The following FHIP1A variants were observed in gnomAD, a reference collection of about 807,000 sequenced individuals.
The protein encoded by FHIP1A is FHF complex subunit HOOK interacting protein 1A, also known as FHF complex subunit HOOK-interacting protein 1A.
FHIP1A carries 61 observed loss-of-function variants against 88.6 expected under a neutral mutation model. The ratio of observed to expected loss-of-function variants is 0.69; its 90% CI spans 0.56 to 0.85. The LOEUF is 0.85. FHIP1A is among the 40% of genes least tolerant of loss of function. The pLI, the probability that FHIP1A is intolerant of heterozygous loss-of-function variation, is 0.00. For synonymous variants in FHIP1A, 478 were observed against 496.0 expected (o/e 0.96, Z 0.48); for missense variants, 1,154 against 1,273.5 (o/e 0.91, Z 1.43).
chr4:151,660,431 G>C (rs1737414012), intron 13 of FHIP1A, among the ~76,000 whole-genome samples: 1 of 148,572 alleles, frequency 6.7e-6, no homozygotes, highest in South Asian at 2.1e-4. Context: ...GAGAATGAAT[G>C]AATTTGAAGG....
Position 151,444,107 on chromosome 4 carries a change from G to A in FHIP1A, c.-355-10594G>A, listed in dbSNP as rs188962693. On this transcript the variant is annotated intron_variant, in intron 1 of 13. Coordinates refer to ENST00000435205, the MANE Select transcript of FHIP1A (RefSeq NM_001109977.3). The stretch of plus-strand genomic sequence containing the variant: ...TTGGAGAGCAGCTTTCCCCCGTTTC[G>A]TCTGTGAGCGCATACTCCTTACCCT... Among the ~76,000 whole-genome samples the A allele has an allele frequency of 5.9e-5, 9 of 151,494 alleles. No homozygotes were observed. The South Asian group carries it at 6.3e-4, about 11-fold the overall frequency.
intron 3 of FHIP1A, among the ~76,000 whole-genome samples, chr4:151,558,215 A>G (rs754859513): frequency 2.6e-5 from 4 of 152,158 alleles, no homozygotes; most frequent in South Asian, 4.1e-4. Context: ...GAGTAGAAAA[A>G]CAATCTCATA....
chr4:151,471,787 G>A (rs1299774773), intron 2 of FHIP1A, among the ~76,000 whole-genome samples: 3 of 151,998 alleles, frequency 2.0e-5, no homozygotes, highest in Non-Finnish European at 4.4e-5. Flanking sequence ...TTCCCCCTGA[G>A]TCCCCAAAGT....
chr4:151,640,381 A>T (rs1171776476), intron 9 of FHIP1A, among the ~76,000 whole-genome samples: 6 of 152,234 alleles, frequency 3.9e-5, no homozygotes, highest in Admixed American at 1.3e-4. Flanking sequence ...GGTCATCAGT[A>T]GCTAATCTTA....
At chr4:151,463,328 G>A (rs1303860102) in intron 2 of FHIP1A, among the ~76,000 whole-genome samples, 1 of 152,184 alleles carries the variant, frequency 6.6e-6, no homozygotes, top group Non-Finnish European at 1.5e-5. Flanking sequence ...GGGAGGGATG[G>A]TTGAAAGTAG....
At chr4:151,539,434 G>T (rs1419719540) in intron 3 of FHIP1A, among the ~76,000 whole-genome samples, 1 of 151,856 alleles carries the variant, frequency 6.6e-6, no homozygotes, top group Non-Finnish European at 1.5e-5. Flanking sequence ...CATGATGGTG[G>T]GTGCCTCTAA....
intron 2 of FHIP1A, among the ~76,000 whole-genome samples, chr4:151,464,857 T>A (rs556236970): frequency 8.0e-6 from 1 of 125,458 alleles, no homozygotes; most frequent in Admixed American, 7.7e-5. Context: ...GATCAGTGAT[T>A]GTCAAAGTGT....
intron 3 of FHIP1A, among the ~76,000 whole-genome samples, chr4:151,529,657 T>TG (rs1731801017): frequency 6.6e-6 from 1 of 152,186 alleles, no homozygotes; most frequent in African/African-American, 2.4e-5. Context: ...CAACATAACC[T>TG]GTGCCCTTTG....
chr4:151,527,402 C>T (rs1412287333), intron 3 of FHIP1A, among the ~76,000 whole-genome samples: 3 of 152,338 alleles, frequency 2.0e-5, no homozygotes, highest in Admixed American at 6.5e-5. Flanking sequence ...CGCACACCTG[C>T]AGTCGCAGGC....
chr4:151,583,070 C>T (rs991457370), intron 5 of FHIP1A, among the ~76,000 whole-genome samples: 5 of 152,156 alleles, frequency 3.3e-5, no homozygotes, highest in African/African-American at 1.2e-4. Flanking sequence ...CCTGGTCCAA[C>T]TTGTTCACTA....
At chr4:151,509,175 T>C (rs1730935531) in intron 3 of FHIP1A, among the ~76,000 whole-genome samples, 2 of 151,808 alleles carry the variant, frequency 1.3e-5, no homozygotes, top group African/African-American at 4.8e-5. Flanking sequence ...TGTTTGTTTG[T>C]TTTTTTTGAG....
chr4:151,591,068 T>C (rs1219610386), intron 7 of FHIP1A, among the ~76,000 whole-genome samples: 1 of 151,876 alleles, frequency 6.6e-6, no homozygotes, highest in East Asian at 1.9e-4. Context: ...TTCTCCCTGT[T>C]CTCTGTCTGT....
At chr4:151,627,977 C>T (rs1245647096) in intron 7 of FHIP1A, among the ~76,000 whole-genome samples, 2 of 152,080 alleles carry the variant, frequency 1.3e-5, no homozygotes, top group Non-Finnish European at 2.9e-5. Context: ...GACTAGAAAA[C>T]ATCAGGAAAC....
intron 7 of FHIP1A, among the ~76,000 whole-genome samples, chr4:151,594,316 G>A (rs750119528): frequency 3.9e-5 from 6 of 152,126 alleles, no homozygotes; most frequent in East Asian, 3.9e-4. Context: ...AGAAGGAATG[G>A]TACCAGCTCA....
chr4:151,476,501 G>A (rs1729713709), intron 2 of FHIP1A, among the ~76,000 whole-genome samples: 1 of 152,020 alleles, frequency 6.6e-6, no homozygotes, highest in Non-Finnish European at 1.5e-5. Context: ...AATACCCTTA[G>A]CAAAGTAAAG....
chr4:151,465,246 C>T (rs1021288595), intron 2 of FHIP1A, among the ~76,000 whole-genome samples: 1 of 151,974 alleles, frequency 6.6e-6, no homozygotes, highest in African/African-American at 2.4e-5. Context: ...CTATAAACAC[C>T]TCTACGCAAA....
chr4:151,585,924 C>G (rs1322451305), intron 5 of FHIP1A, among the ~76,000 whole-genome samples: 1 of 152,150 alleles, frequency 6.6e-6, no homozygotes, highest in Non-Finnish European at 1.5e-5. Flanking sequence ...ATTTCCTCCT[C>G]TCTTTTCCTA....
intron 1 of FHIP1A, among the ~76,000 whole-genome samples, chr4:151,448,397 A>G (rs1728681146): frequency 6.6e-6 from 1 of 152,128 alleles, no homozygotes. Context: ...AACCATTACC[A>G]CCATCCATCT....
At chr4:151,532,638 G>A (rs1374623856) in intron 3 of FHIP1A, among the ~76,000 whole-genome samples, 1 of 152,216 alleles carries the variant, frequency 6.6e-6, no homozygotes, top group Non-Finnish European at 1.5e-5. Context: ...TGGGATGGCG[G>A]TGGAGTCAGG....
Sources: allele counts gnomAD v4.1 joint callset (sites outside exome capture counted in the v4.1 genomes callset), GRCh38; gene constraint gnomAD v4.1.1; transcripts MANE v1.5; gene names NCBI Gene and HGNC (gene_info 2026-07-23, HGNC 2026-07-21).